RERE: variants seen among roughly 807,000 people sequenced by gnomAD.
RERE encodes arginine-glutamic acid dipeptide repeats, also known as arginine-glutamic acid dipeptide repeats protein.
A neutral mutation model predicts 146.1 loss-of-function variants in RERE; 40 were observed. The observed-to-expected ratio is 0.27, with a 90% CI of 0.21 to 0.36. The LOEUF (loss-of-function observed/expected upper bound fraction) is 0.36, where lower values mean the gene tolerates loss of function less well. Ranked by LOEUF, RERE falls within the 10% of genes least tolerant of loss-of-function variation. The probability of loss-of-function intolerance (pLI) is 1.00; values close to 1 mark genes in which losing one functional copy is unlikely to be tolerated. For missense variants in RERE, 1,933 were observed against 2,138.7 expected (o/e 0.90, Z 1.90); for synonymous variants, 1,003 against 866.0 (o/e 1.16, Z -2.78).
chr1:8,502,895 TC>T (rs1257063932), intron 8 of RERE, among the ~76,000 whole-genome samples: 1 of 150,824 alleles, frequency 6.6e-6, no homozygotes, highest in Non-Finnish European at 1.5e-5. Context: ...GGCAGCGTGC[TC>T]GTTAAGAGTC....
At chr1:8,679,109 CAGTGCT>C (rs1638908573) in intron 1 of RERE, among the ~76,000 whole-genome samples, 1 of 152,222 alleles carries the variant, frequency 6.6e-6, no homozygotes, top group African/African-American at 2.4e-5. Context: ...TTCTATTCCA[CAGTGCT>C]GATCTAAAGC....
At chr1:8,814,340 G>C (rs1641871081) in intron 1 of RERE, among the ~76,000 whole-genome samples, 1 of 152,182 alleles carries the variant, frequency 6.6e-6, no homozygotes, top group African/African-American at 2.4e-5. Flanking sequence ...AAAATCCTTT[G>C]AGACATTTAT....
At chr1:8,492,558 A>G (rs1223700729) in intron 10 of RERE, among the ~76,000 whole-genome samples, 1 of 151,940 alleles carries the variant, frequency 6.6e-6, no homozygotes, top group Non-Finnish European at 1.5e-5. Context: ...AGGAGTTTGA[A>G]ATCAGCCCTG....
chr1:8,556,430 C>A (rs1470897729), intron 6 of RERE, 45 bp downstream of exon 6: 1 of 1,114,430 alleles, frequency 9.0e-7, no homozygotes. Context: ...CTCCTGCACT[C>A]AGTGACTCCT....
intron 1 of RERE, among the ~76,000 whole-genome samples, chr1:8,661,742 A>G (rs1484245623): frequency 6.6e-6 from 1 of 152,244 alleles, no homozygotes; most frequent in Non-Finnish European, 1.5e-5. Flanking sequence ...TGGGGAGACC[A>G]GGAATTTGGC....
In RERE at chr1:8,360,577, G is replaced by A; in HGVS notation, c.2930C>T (p.Thr977Ile). 6.8e-7 allele frequency: 1 copy of A among 1,468,906 alleles called. No individual in the cohort carries two copies. Among genetic ancestry groups the A allele is most frequent in the Non-Finnish European group, 9.1e-7 (1 of 1,099,066 alleles). 91.0% of individuals were successfully genotyped at this position (1,468,906 alleles called of 1,614,324 possible). A position where few individuals can be genotyped will look rare whatever the true frequency, so the allele number is the denominator to read the frequency against. Residue 977 changes from threonine to isoleucine, a missense_variant, in exon 18 of 23, where the codon ACA becomes ATA. By Grantham distance (89) the Thr-to-Ile change is moderately conservative. Around this residue, in one of 11 missense-constraint regions of RERE, gnomAD observed 1,255 missense variants for 1,153.8 expected, o/e 1.09. Transcript: ENST00000400908. Reference sequence around the variant, plus strand: ...GGGGTGAGCCGACGGGGGGTGATGTGTGGACAGGGAGCTCAGGGGCTTCAG... The same window carrying A: ...GGGGTGAGCCGACGGGGGGTGATGTATGGACAGGGAGCTCAGGGGCTTCAG... The part of the protein sequence containing the change: ...PALKPLSSLS[T>I]HHPPSAHPPP...
At chr1:8,606,470 C>T (rs956747727) in intron 4 of RERE, among the ~76,000 whole-genome samples, 1 of 152,074 alleles carries the variant, frequency 6.6e-6, no homozygotes, top group Non-Finnish European at 1.5e-5. Flanking sequence ...ATTTAGGATG[C>T]TCCAGAGAAA....
At position 8,501,177 on chromosome 1, in the gene RERE, C is replaced by A. The variant is rs1645141967; in HGVS notation, c.880-3648G>T. ...CCGGGAGGGGGGGTCAGCCCCCTGC[C>A]CGGCCAGCCGCCCCGTCCGGGAGGG... is the stretch of plus-strand genomic sequence containing the variant. On this transcript the variant is annotated intron_variant, in intron 8 of 22. Coordinates refer to ENST00000400908, the MANE Select transcript of RERE (RefSeq NM_001042681.2). Among the ~76,000 whole-genome samples the A allele has an allele frequency of 2.7e-5, 4 of 150,770 alleles. No homozygotes were observed. In the South Asian group the frequency reaches 8.3e-4, roughly 31 times the overall value.
At chr1:8,741,890 C>T (rs1640317426) in intron 1 of RERE, among the ~76,000 whole-genome samples, 1 of 152,106 alleles carries the variant, frequency 6.6e-6, no homozygotes, top group Non-Finnish European at 1.5e-5. Flanking sequence ...ACATATATAA[C>T]TCTAAGGATA....
chr1:8,420,915 T>C lies in RERE; in HGVS notation c.1284+1812A>G, dbSNP rs369481904. ...GGCTATTTATTTACGGAGTCACACA[T>C]CATCAATAAGAAGGGAAAATCAAGA... On this transcript the variant is annotated intron_variant, in intron 12 of 22. Transcript: ENST00000400908. Among the ~76,000 whole-genome samples the C allele has an allele frequency of 3.2e-3, 483 of 152,136 alleles. 30 individuals are homozygous for C. In the South Asian group the frequency reaches 0.097, roughly 30 times the overall value.
chr1:8,355,122 T>C lies in RERE; in HGVS notation c.4668-2A>G. On this transcript the variant is annotated splice_acceptor_variant, in intron 22 of 22. Coordinates refer to ENST00000400908, the MANE Select transcript of RERE (RefSeq NM_001042681.2). LOFTEE classifies it high-confidence loss of function. ...TTGTCACCTTCTTTCTTCAGTCGAC[T>C]GGAAAGACAAAACAGGAAAGCGTAT... 1 of 1,613,712 alleles carries C rather than the reference T, an allele frequency of 6.2e-7. No individual in the cohort carries two copies. The highest frequency in any genetic ancestry group is 8.5e-7 in the Non-Finnish European group (1 of 1,179,742).
chr1:8,503,130 A>ATAAATAAG (rs56977958), intron 8 of RERE, among the ~76,000 whole-genome samples: 1 of 149,956 alleles, frequency 6.7e-6, no homozygotes, highest in Admixed American at 6.7e-5. Context: ...AAATAAATAA[A>ATAAATAAG]AAAGAATTGA....
intron 11 of RERE, among the ~76,000 whole-genome samples, chr1:8,445,563 T>C (rs1015248295): frequency 6.6e-6 from 1 of 152,180 alleles, no homozygotes; most frequent in Non-Finnish European, 1.5e-5. Context: ...CACCCAGTGG[T>C]TGAAGACAAT....
intron 2 of RERE, among the ~76,000 whole-genome samples, chr1:8,651,313 G>A (rs4908770): frequency 0.15 from 23,307 of 152,044 alleles, 2,215 homozygotes; most frequent in Middle Eastern, 0.25. Flanking sequence ...AAGAGGCTGA[G>A]GCAGGAGAAG....
chr1:8,726,147 C>CTTTTCTTTTTTTTTTTTTTTTTTTTTTTT (rs1639960710), intron 1 of RERE, among the ~76,000 whole-genome samples: 18 of 69,408 alleles, frequency 2.6e-4, no homozygotes, highest in African/African-American at 1.0e-3. Context: ...TTTTTCTTTT[C>CTTTTCTTTTTTTTTTTTTTTTTTTTTTTT]TTTTTTTTTT....
At chr1:8,659,570 A>G (rs1215083741) in intron 1 of RERE, among the ~76,000 whole-genome samples, 2 of 152,234 alleles carry the variant, frequency 1.3e-5, no homozygotes, top group Admixed American at 1.3e-4. Context: ...ATAAAAAACA[A>G]ACAAAAAACG....
intron 2 of RERE, among the ~76,000 whole-genome samples, chr1:8,640,334 C>T (rs1414239807): frequency 1.2e-4 from 19 of 152,018 alleles, no homozygotes; most frequent in Admixed American, 1.1e-3. Flanking sequence ...ACTAACACTC[C>T]ATCTGTCAAG....
At chr1:8,703,252 G>A (rs1241323836) in intron 1 of RERE, 2 of 149,848 alleles carry the variant, frequency 1.3e-5, no homozygotes, top group African/African-American at 4.9e-5. Context: ...AGGTCCCGGC[G>A]GCTTGGCGGC....
intron 1 of RERE, among the ~76,000 whole-genome samples, chr1:8,685,711 T>C (rs1157544499): frequency 1.3e-5 from 2 of 152,208 alleles, no homozygotes; most frequent in Admixed American, 1.3e-4. Context: ...TAACCTAAGA[T>C]TGCTCCAATT....
Sources: allele counts gnomAD v4.1 joint callset (sites outside exome capture counted in the v4.1 genomes callset), GRCh38; gene constraint gnomAD v4.1.1; regional missense constraint gnomAD v4.1.1; transcripts MANE v1.5; gene names NCBI Gene and HGNC (gene_info 2026-07-23, HGNC 2026-07-21).